The following LRP2 variants were observed in gnomAD, a reference collection of about 807,000 sequenced individuals.
LRP2 encodes the protein low-density lipoprotein receptor-related protein 2.
LRP2 carries 172 observed loss-of-function variants against 531.0 expected under a neutral mutation model. The ratio of observed to expected loss-of-function variants is 0.32; its 90% CI spans 0.29 to 0.37. The LOEUF is 0.37. Among genes scored for constraint, LRP2 ranks in the 10% least tolerant of loss-of-function variants. The pLI, the probability that LRP2 is intolerant of heterozygous loss-of-function variation, is 1.00. For synonymous variants in LRP2, 1,992 were observed against 2,027.6 expected (o/e 0.98, Z 0.47); for missense variants, 5,167 against 5,868.3 (o/e 0.88, Z 3.90).
intron 3 of LRP2, among the ~76,000 whole-genome samples, chr2:169,309,133 A>T (rs1684515614): frequency 6.6e-6 from 1 of 152,220 alleles, no homozygotes. Context: ...GCCCTTTGTC[A>T]GATGGGTAGA....
chr2:169,338,277 AAG>A (rs1685461271), intron 1 of LRP2, among the ~76,000 whole-genome samples: 5 of 130,960 alleles, frequency 3.8e-5, no homozygotes, highest in African/African-American at 1.6e-4. Flanking sequence ...AAGAAAGAGA[AAG>A]AAAGAAAGAA....
chr2:169,205,382 C>T, intron 41 of LRP2, 97 bp downstream of exon 41: 2 of 1,301,532 alleles, frequency 1.5e-6, no homozygotes, highest in Non-Finnish European at 2.2e-6. Flanking sequence ...GTCTATCTGG[C>T]ATGCTATATT....
At chr2:169,226,372 C>T (rs775991292) in intron 32 of LRP2, 50 bp downstream of exon 32, 48 of 1,450,386 alleles carry the variant, frequency 3.3e-5, no homozygotes, top group Non-Finnish European at 4.4e-5. Context: ...TCAGTGCAGG[C>T]AGGCTCTTCA....
intron 4 of LRP2, among the ~76,000 whole-genome samples, chr2:169,297,749 A>T (rs1426624776): frequency 1.3e-5 from 2 of 152,180 alleles, no homozygotes; most frequent in Non-Finnish European, 2.9e-5. Context: ...AGGAGGGTGT[A>T]GAAATGTAGT....
intron 15 of LRP2, among the ~76,000 whole-genome samples, chr2:169,272,172 A>G (rs1051772825): frequency 2.0e-5 from 3 of 152,136 alleles, no homozygotes; most frequent in East Asian, 1.9e-4. Context: ...AATTTGTCAC[A>G]GGCACAGAAA....
chr2:169,255,055 C>T (rs2105403717), intron 19 of LRP2, among the ~76,000 whole-genome samples: 1 of 152,260 alleles, frequency 6.6e-6, no homozygotes, highest in Middle Eastern at 3.4e-3. Context: ...ACATTCTATG[C>T]ATGTGAGAAA....
At chr2:169,227,803 C>T (rs991393424) in intron 31 of LRP2, among the ~76,000 whole-genome samples, 8 of 152,040 alleles carry the variant, frequency 5.3e-5, no homozygotes, top group Non-Finnish European at 7.4e-5. Flanking sequence ...ATGTAAATTT[C>T]GCAACTATTA....
intron 16 of LRP2, among the ~76,000 whole-genome samples, chr2:169,259,536 T>C (rs1012651389): frequency 4.6e-5 from 7 of 151,926 alleles, no homozygotes; most frequent in Admixed American, 3.9e-4. Flanking sequence ...CTGTAGAATA[T>C]CTGAAGAAGA....
intron 57 of LRP2, 107 bp from the exon 58 acceptor site, chr2:169,172,241 T>C (rs1687033353): frequency 1.5e-6 from 2 of 1,308,928 alleles, no homozygotes; most frequent in East Asian, 2.4e-5. Flanking sequence ...AGCTCACTCT[T>C]GAAGCTCCCA....
chr2:169,362,220 A>G, intron 1 of LRP2, 101 bp downstream of exon 1: 1 of 1,025,200 alleles, frequency 9.8e-7, no homozygotes, highest in South Asian at 1.6e-5. Context: ...GCCCGGCCCT[A>G]GCCCCTGCCC....
At chr2:169,320,981 TTAGA>T in intron 1 of LRP2, 97 bp from the exon 2 acceptor site, 2 of 825,574 alleles carry the variant, frequency 2.4e-6, no homozygotes, top group South Asian at 2.9e-5. Context: ...ATTCAACTAA[TTAGA>T]TAATCAAAGA....
At chr2:169,210,445 C>A (rs544182926) in intron 37 of LRP2, among the ~76,000 whole-genome samples, 1 of 152,310 alleles carries the variant, frequency 6.6e-6, no homozygotes, top group Non-Finnish European at 1.5e-5. Context: ...ACTAACACAG[C>A]ATAACCTATA....
chr2:169,262,133 A>G (rs527854503), intron 16 of LRP2, among the ~76,000 whole-genome samples: 6 of 151,020 alleles, frequency 4.0e-5, no homozygotes, highest in African/African-American at 1.5e-4. Context: ...CCCACAGCCA[A>G]TATCATACTG....
At chr2:169,171,778 AT>A (rs1348085947) in intron 58 of LRP2, among the ~76,000 whole-genome samples, 1 of 152,244 alleles carries the variant, frequency 6.6e-6, no homozygotes, top group Non-Finnish European at 1.5e-5. Context: ...CATAAAAGAT[AT>A]TCTTCAGTAA....
At position 169,321,454 on chromosome 2, in the gene LRP2, T is replaced by C. The variant is rs1684906133; in HGVS notation, c.80-570A>G. On this transcript the variant is annotated intron_variant, in intron 1 of 78. Coordinates refer to ENST00000649046, the MANE Select transcript of LRP2 (RefSeq NM_004525.3). ...CGTAAATTTTTACTGATAACAGAGT[T>C]ACATATGCAAAAAAAAAAAAAGCGT... 2.0e-5 allele frequency among the ~76,000 whole-genome samples: 3 copies of C among 149,564 alleles called. No homozygotes were observed. In the South Asian group the frequency reaches 6.3e-4, roughly 31 times the overall value.
intron 16 of LRP2, among the ~76,000 whole-genome samples, chr2:169,266,924 G>C (rs1487648933): frequency 1.6e-5 from 2 of 121,520 alleles, no homozygotes; most frequent in Non-Finnish European, 3.2e-5. Flanking sequence ...GTTGCACTCT[G>C]TTGCCCAAGC....
In LRP2 at chr2:169,247,034, G is replaced by A. The variant is rs139916510; in HGVS notation, c.2909-48C>T. 4.9e-4 allele frequency: 776 copies of A among 1,599,906 alleles called. 3 individuals are homozygous for A. The African/African-American group carries it at 9.5e-3, about 19-fold the overall frequency. ...GAGTCAGTCATGTACATTTTCACTA[G>A]GTAGGTCACGGGTTTGATTTGTGAA... On this transcript the variant is annotated intron_variant, in intron 20 of 78. Coordinates refer to ENST00000649046, the MANE Select transcript of LRP2 (RefSeq NM_004525.3).
Position 169,175,385 on chromosome 2 carries a change from T to C in LRP2, c.10576A>G (p.Ile3526Val). 6.2e-7 allele frequency: 1 copy of C among 1,614,062 alleles called. No homozygotes were observed. The highest frequency in any genetic ancestry group is 8.5e-7 in the Non-Finnish European group (1 of 1,179,982). ...CCATCACATTTCCACCAGATAGGAATGCACCTGCACAGAGAACATACAGCA... is the reference window on the plus strand; with the variant it reads ...CCATCACATTTCCACCAGATAGGAACGCACCTGCACAGAGAACATACAGCA... ...QFLCANNEKCIPIWWKCDGQK... is the reference protein window; with the variant it reads ...QFLCANNEKCVPIWWKCDGQK... Residue 3526 changes from isoleucine (I) to valine (V), a missense_variant, in exon 55 of 79, where the codon ATT becomes GTT. By Grantham distance (29) the Ile-to-Val change is conservative (BLOSUM62 3). This residue lies in a region of LRP2 where 311 missense variants were observed against 309.4 expected (regional missense o/e 1.01). Transcript: ENST00000649046.
At chr2:169,189,910 C>T (rs146621203) in intron 48 of LRP2, among the ~76,000 whole-genome samples, 5 of 151,496 alleles carry the variant, frequency 3.3e-5, no homozygotes, top group East Asian at 1.9e-4. Flanking sequence ...GAACAATGGA[C>T]GAACAAAGAA....
Sources: gnomAD v4.1 joint callset for allele counts (sites outside exome capture counted in the v4.1 genomes callset) on GRCh38, gnomAD v4.1.1 for gene constraint, gnomAD v4.1.1 regional missense constraint, MANE v1.5 for transcripts, NCBI Gene and HGNC (gene_info 2026-07-23, HGNC 2026-07-21) for gene names.